Variants in ATXN1 observed in about 807,000 individuals in gnomAD.
ATXN1 encodes ataxin 1.
A neutral mutation model predicts 56.4 loss-of-function variants in ATXN1; 8 were observed. That is an observed-to-expected ratio of 0.14 (90% confidence interval 0.08 to 0.26). The LOEUF (loss-of-function observed/expected upper bound fraction) is 0.26. ATXN1 is among the 10% of genes least tolerant of loss of function. The probability of loss-of-function intolerance (pLI) is 1.00; values close to 1 mark genes in which losing one functional copy is unlikely to be tolerated. For missense variants in ATXN1, 987 were observed against 1,106.5 expected, an observed-to-expected ratio of 0.89 and a Z score of 1.53; for synonymous variants, 514 against 494.6, an observed-to-expected ratio of 1.04 and a Z score of -0.52.
rs889678380 is a variant in ATXN1 at position 16,301,149 on chromosome 6, CTGAA to C, written c.*5176_*5179del. The C allele has an allele frequency of 4.0e-5, 6 of 151,164 alleles. No individual in the cohort carries two copies. Among genetic ancestry groups the C allele is most frequent in the Non-Finnish European group, 8.8e-5 (6 of 67,846 alleles). The allele number at this position is 151,164 out of a possible 1,614,324, so 9.4% of individuals were successfully genotyped here. On this transcript the variant is annotated 3_prime_UTR_variant, in exon 8 of 8. Coordinates refer to ENST00000436367, the MANE Select transcript of ATXN1 (RefSeq NM_001128164.2). ...TCAACAGAGCCATATCTTTCAAACA[CTGAA>C]TGAATCATTTCGACATTCATTTTTC...
chr6:16,744,385 A>G (rs651702), intron 2 of ATXN1, among the ~76,000 whole-genome samples: 93,183 of 151,910 alleles, frequency 0.61, 28,914 homozygotes, highest in East Asian at 0.83. Context: ...CAGAAGTTGT[A>G]AAGACCCCGA....
intron 6 of ATXN1, among the ~76,000 whole-genome samples, chr6:16,355,008 T>C (rs1761656234): frequency 6.6e-6 from 1 of 152,240 alleles, no homozygotes; most frequent in Non-Finnish European, 1.5e-5. Context: ...CATTTCTGCA[T>C]CACACTGTGC....
At chr6:16,574,079 T>G (rs1005501621) in intron 4 of ATXN1, among the ~76,000 whole-genome samples, 8 of 152,210 alleles carry the variant, frequency 5.3e-5, no homozygotes, top group African/African-American at 1.7e-4. Context: ...CAGGCTGGAG[T>G]GCAGTGGCCG....
intron 3 of ATXN1, among the ~76,000 whole-genome samples, chr6:16,620,921 T>C (rs1411299440): frequency 6.6e-6 from 1 of 152,236 alleles, no homozygotes; most frequent in Non-Finnish European, 1.5e-5. Context: ...TCTGAGGTCC[T>C]ACTAAAAAGG....
chr6:16,346,688 G>A (rs1446787236), intron 6 of ATXN1, among the ~76,000 whole-genome samples: 2 of 152,146 alleles, frequency 1.3e-5, no homozygotes, highest in Non-Finnish European at 2.9e-5. Context: ...CTGTCACCCA[G>A]GCTGGAGTGT....
chr6:16,690,398 T>C (rs530378325), intron 2 of ATXN1, among the ~76,000 whole-genome samples: 1 of 151,766 alleles, frequency 6.6e-6, no homozygotes, highest in South Asian at 2.1e-4. Context: ...GTGAGTGACA[T>C]TGATTCCTAT....
At chr6:16,653,732 G>C (rs1250631577) in intron 3 of ATXN1, among the ~76,000 whole-genome samples, 1 of 152,152 alleles carries the variant, frequency 6.6e-6, no homozygotes, top group Non-Finnish European at 1.5e-5. Flanking sequence ...TTACGTATTT[G>C]GAAGAAAGTG....
chr6:16,699,573 GT>G (rs1759238481), intron 2 of ATXN1, among the ~76,000 whole-genome samples: 1 of 152,174 alleles, frequency 6.6e-6, no homozygotes, highest in South Asian at 2.1e-4. Flanking sequence ...TCTGAAAACT[GT>G]TTGTGGGTCA....
chr6:16,593,547 A>G (rs894038754), intron 3 of ATXN1, among the ~76,000 whole-genome samples: 3 of 152,166 alleles, frequency 2.0e-5, no homozygotes, highest in Admixed American at 2.0e-4. Flanking sequence ...ATTTTGATCC[A>G]TCTACCTATT....
intron 2 of ATXN1, among the ~76,000 whole-genome samples, chr6:16,712,924 CGAGG>C (rs1561818826): frequency 6.6e-6 from 1 of 152,094 alleles, no homozygotes; most frequent in African/African-American, 2.4e-5. Context: ...CAAATGGCTA[CGAGG>C]GAGTATCCTA....
At chr6:16,408,515 TAA>T (rs34769591) in intron 6 of ATXN1, among the ~76,000 whole-genome samples, 52 of 136,766 alleles carry the variant, frequency 3.8e-4, no homozygotes, top group Admixed American at 4.4e-4. Context: ...ATGAGGATGG[TAA>T]AAAAAAAAAA....
At position 16,328,037 on chromosome 6, in the gene ATXN1, C is replaced by T. The variant is rs200659914; in HGVS notation, c.274G>A (p.Ala92Thr). The change falls in exon 7 of 8, where the codon GCT becomes ACT. Residue 92 changes from alanine to threonine, a missense_variant. Ala to Thr is a moderately conservative substitution (Grantham distance 58). Around this residue, in one of 3 missense-constraint regions of ATXN1, gnomAD observed 723 missense variants for 791.7 expected, o/e 0.91. Transcript: ENST00000436367. This position sits in a 1 kb window ranked among gnomAD's most constrained non-coding sequence, Gnocchi z 6.2. ...GTGGCCACGGGGACAGACCTGGGAGCGCTGGGCGGGGAGTAGTCCAGCCCT... is the reference window on the plus strand; with the variant it reads ...GTGGCCACGGGGACAGACCTGGGAGTGCTGGGCGGGGAGTAGTCCAGCCCT... ...STGLDYSPPSAPRSVPVATTL... is the reference protein window; with the variant it reads ...STGLDYSPPSTPRSVPVATTL... 1.2e-4 allele frequency: 195 copies of T among 1,613,574 alleles called. No individual in the cohort carries two copies. Among genetic ancestry groups the T allele is most frequent in the East Asian group, 4.0e-4 (18 of 44,888 alleles).
intron 2 of ATXN1, among the ~76,000 whole-genome samples, chr6:16,700,732 G>C (rs934882201): frequency 6.6e-6 from 1 of 152,162 alleles, no homozygotes; most frequent in Non-Finnish European, 1.5e-5. Flanking sequence ...TGAGGAGCTA[G>C]GTAGAGGATG....
intron 3 of ATXN1, among the ~76,000 whole-genome samples, chr6:16,638,708 G>A (rs868310594): frequency 3.3e-5 from 5 of 152,086 alleles, no homozygotes; most frequent in Admixed American, 6.6e-5. Context: ...CTGAGTACAC[G>A]TGACTAAATA....
chr6:16,679,615 C>T (rs571211530), intron 2 of ATXN1, among the ~76,000 whole-genome samples: 1 of 152,288 alleles, frequency 6.6e-6, no homozygotes, highest in South Asian at 2.1e-4. Flanking sequence ...GTATACTGCA[C>T]AATCCTTTAC....
chr6:16,509,832 C>T (rs1581809921), intron 5 of ATXN1, among the ~76,000 whole-genome samples: 1 of 152,176 alleles, frequency 6.6e-6, no homozygotes, highest in Non-Finnish European at 1.5e-5. Context: ...AATATGGCTT[C>T]CACTTACCTT....
At chr6:16,499,297 GT>G (rs781495640) in intron 5 of ATXN1, among the ~76,000 whole-genome samples, 1 of 152,038 alleles carries the variant, frequency 6.6e-6, no homozygotes, top group African/African-American at 2.4e-5. Flanking sequence ...AGTGATTTTA[GT>G]CTTTTCTCTT....
chr6:16,624,034 T>C (rs907947506), intron 3 of ATXN1, among the ~76,000 whole-genome samples: 2 of 152,086 alleles, frequency 1.3e-5, no homozygotes, highest in Admixed American at 6.6e-5. Context: ...ATTTAATGGG[T>C]AGAATTTCAA....
chr6:16,760,117 A>C lies in ATXN1; in HGVS notation c.-730+1181T>G, dbSNP rs547746406. On this transcript the variant is annotated intron_variant, in intron 1 of 7. Transcript: ENST00000436367. The surrounding 1 kb of genome is among the most constrained non-coding windows in gnomAD (Gnocchi z 5.3). The stretch of plus-strand genomic sequence containing the variant: ...CCTGCGGGACCGGCCTGCGCGCAGC[A>C]CTGGAACCACGTAGGAGGAGGCGGC... Among the ~76,000 whole-genome samples the C allele has an allele frequency of 1.6e-3, 245 of 151,846 alleles. 2 individuals carry two copies. The highest frequency in any genetic ancestry group is 1.2e-3 in the Non-Finnish European group (83 of 67,884).
Sources: gnomAD v4.1 joint callset for allele counts (sites outside exome capture counted in the v4.1 genomes callset) on GRCh38, gnomAD v4.1.1 for gene constraint, gnomAD v4.1.1 regional missense constraint, Gnocchi (gnomAD v3.1) non-coding constraint, MANE v1.5 for transcripts, NCBI Gene and HGNC (gene_info 2026-07-23, HGNC 2026-07-21) for gene names.